DNM3: variants seen among roughly 807,000 people sequenced by gnomAD.
DNM3 encodes dynamin 3.
DNM3 carries 47 observed loss-of-function variants against 101.6 expected under a neutral mutation model. That is an observed-to-expected ratio of 0.46 (90% CI 0.37 to 0.59). The LOEUF is 0.59. DNM3 is among the 20% of genes least tolerant of loss of function. The probability of loss-of-function intolerance (pLI) is 0.00; values close to 1 mark genes in which losing one functional copy is unlikely to be tolerated. For synonymous variants in DNM3, 385 were observed against 387.9 expected (o/e 0.99, Z 0.09); for missense variants, 849 against 1,085.7 (o/e 0.78, Z 3.06).
chr1:172,017,873 T>C (rs1165409881), intron 4 of DNM3, among the ~76,000 whole-genome samples: 1 of 152,086 alleles, frequency 6.6e-6, no homozygotes, highest in Non-Finnish European at 1.5e-5. Context: ...GGTATTTTTA[T>C]GCTCTGCTGT....
chr1:172,197,944 T>C (rs1332893456), intron 14 of DNM3, among the ~76,000 whole-genome samples: 7 of 152,090 alleles, frequency 4.6e-5, no homozygotes, highest in Admixed American at 6.6e-5. Flanking sequence ...TCCAATACTA[T>C]GTTGAGTGAA....
At position 171,841,826 on chromosome 1, in the gene DNM3, G is replaced by A; in HGVS notation, c.161+9G>A. On this transcript the variant is annotated intron_variant, in intron 1 of 20. Coordinates refer to ENST00000627582, the MANE Select transcript of DNM3 (RefSeq NM_015569.5). ...GAGAACTTCGTGGGCAGGTAAGCGC[G>A]CAGGGCGCGGAGTAAGGATGCGGCA... 1 of 1,603,160 alleles carries A rather than the reference G, an allele frequency of 6.2e-7. No individual in the cohort carries two copies. Among genetic ancestry groups the A allele is most frequent in the Non-Finnish European group, 8.5e-7 (1 of 1,177,352 alleles).
intron 14 of DNM3, among the ~76,000 whole-genome samples, chr1:172,209,806 G>A (rs529950288): frequency 1.9e-3 from 292 of 152,078 alleles, no homozygotes; most frequent in African/African-American, 6.5e-3. Context: ...GGAAAATGCA[G>A]TTACTGATGT....
At chr1:172,289,406 C>A in intron 15 of DNM3, 1 of 260,810 alleles carries the variant, frequency 3.8e-6, no homozygotes, top group Non-Finnish European at 6.0e-6. Context: ...TAAAAGCATA[C>A]TTAGAATCTC....
At chr1:172,369,341 G>T (rs1277053586) in intron 17 of DNM3, among the ~76,000 whole-genome samples, 2 of 151,732 alleles carry the variant, frequency 1.3e-5, no homozygotes, top group African/African-American at 4.8e-5. Context: ...AATAAATGTG[G>T]TATATCACAT....
chr1:172,317,646 G>A (rs1198131064), intron 16 of DNM3, among the ~76,000 whole-genome samples: 1 of 152,292 alleles, frequency 6.6e-6, no homozygotes, highest in East Asian at 1.9e-4. Flanking sequence ...TAGAAGAAAT[G>A]GATAAATTTC....
intron 1 of DNM3, among the ~76,000 whole-genome samples, chr1:171,918,559 G>A (rs1388175249): frequency 6.6e-6 from 1 of 152,188 alleles, no homozygotes; most frequent in Non-Finnish European, 1.5e-5. Context: ...TTGTACTTCA[G>A]AGATGCCTGT....
At chr1:172,088,127 A>G (rs553703349) in intron 12 of DNM3, among the ~76,000 whole-genome samples, 36 of 152,340 alleles carry the variant, frequency 2.4e-4, no homozygotes, top group African/African-American at 7.9e-4. Context: ...AGGTAATGTC[A>G]GTGATGAGAG....
chr1:172,181,685 T>C (rs1437532492), intron 14 of DNM3, among the ~76,000 whole-genome samples: 1 of 152,020 alleles, frequency 6.6e-6, no homozygotes, highest in East Asian at 1.9e-4. Context: ...TGCCAAAGCA[T>C]GGAGCAAAAT....
chr1:171,948,475 T>C (rs544507174), intron 2 of DNM3, among the ~76,000 whole-genome samples: 1 of 152,276 alleles, frequency 6.6e-6, no homozygotes, highest in Non-Finnish European at 1.5e-5. Context: ...AGGGTGATAT[T>C]GTAAACTGTC....
rs114754666 is a variant in DNM3, at chr1:172,148,128, C to G, written c.1659+16840C>G. The stretch of plus-strand genomic sequence containing the variant: ...CCTACAGAAACAACTTGTTCCCCTA[C>G]CGAATTCTTATAGTGCTTATATTTC... On this transcript the variant is annotated intron_variant, in intron 14 of 20. Coordinates refer to ENST00000627582, the MANE Select transcript of DNM3 (RefSeq NM_015569.5). Among the ~76,000 whole-genome samples, 1,339 of 152,170 alleles carry G rather than the reference C, an allele frequency of 8.8e-3. 24 individuals are homozygous for G. The highest frequency in any genetic ancestry group is 0.03 in the African/African-American group (1,249 of 41,552).
intron 15 of DNM3, among the ~76,000 whole-genome samples, chr1:172,286,811 A>G (rs189252827): frequency 1.9e-4 from 29 of 152,306 alleles, no homozygotes; most frequent in Admixed American, 1.9e-3. Context: ...TCTAGTTAAA[A>G]TTGTTGCTGT....
intron 2 of DNM3, among the ~76,000 whole-genome samples, chr1:171,930,715 T>C (rs1421616243): frequency 1.3e-5 from 2 of 152,184 alleles, no homozygotes; most frequent in East Asian, 1.9e-4. Context: ...TTCTCCGTTC[T>C]CCACGGGTCA....
chr1:172,239,696 C>G (rs1196022430), intron 14 of DNM3, among the ~76,000 whole-genome samples: 11 of 151,450 alleles, frequency 7.3e-5, no homozygotes, highest in Non-Finnish European at 1.5e-4. Context: ...GGTTGGGCAG[C>G]TTTAATTTCT....
chr1:171,943,431 A>G (rs1379925359), intron 2 of DNM3, among the ~76,000 whole-genome samples: 1 of 152,212 alleles, frequency 6.6e-6, no homozygotes, highest in Non-Finnish European at 1.5e-5. Context: ...TTTAACTCTG[A>G]TAAGAAATAT....
chr1:172,332,900 A>G (rs554340181), intron 17 of DNM3, among the ~76,000 whole-genome samples: 14 of 152,224 alleles, frequency 9.2e-5, no homozygotes, highest in Non-Finnish European at 1.6e-4. Flanking sequence ...AGGCAGTTAC[A>G]TATGTAAATC....
chr1:172,021,223 TA>T (rs1317810156), intron 4 of DNM3, among the ~76,000 whole-genome samples: 1 of 152,182 alleles, frequency 6.6e-6, no homozygotes, highest in East Asian at 1.9e-4. Flanking sequence ...GTAATCTCAA[TA>T]CTTTGGGAGG....
At chr1:172,174,946 TG>T (rs1287393767) in intron 14 of DNM3, among the ~76,000 whole-genome samples, 1 of 151,724 alleles carries the variant, frequency 6.6e-6, no homozygotes, top group African/African-American at 2.4e-5. Context: ...AGTCGAATAG[TG>T]GGATCAGCAT....
At chr1:172,116,519 G>T (rs1289124795) in intron 13 of DNM3, among the ~76,000 whole-genome samples, 2 of 152,176 alleles carry the variant, frequency 1.3e-5, no homozygotes, top group Non-Finnish European at 2.9e-5. Context: ...TGGGGAGGGG[G>T]AACAGGGAAA....
Sources: allele counts gnomAD v4.1 joint callset (sites outside exome capture counted in the v4.1 genomes callset), GRCh38; gene constraint gnomAD v4.1.1; transcripts MANE v1.5; gene names NCBI Gene and HGNC (gene_info 2026-07-23, HGNC 2026-07-21).